The following ZBTB38 variants were observed in gnomAD, a reference collection of about 807,000 sequenced individuals.
The protein encoded by ZBTB38 is zinc finger and BTB domain-containing protein 38.
A neutral mutation model predicts 76.8 loss-of-function variants in ZBTB38; 20 were observed. The observed-to-expected ratio is 0.26, with a 90% CI of 0.18 to 0.38. ZBTB38 has a LOEUF of 0.38. ZBTB38 is among the 10% of genes least tolerant of loss of function. The pLI, the probability that ZBTB38 is intolerant of heterozygous loss-of-function variation, is 1.00. For synonymous variants in ZBTB38, 504 were observed against 544.2 expected (o/e 0.93, Z 1.03); for missense variants, 1,082 against 1,482.3 (o/e 0.73, Z 4.43).
rs145434112 is a variant in ZBTB38 at position 141,339,095 on chromosome 3, A to G, written c.-739+14639A>G. Among the ~76,000 whole-genome samples the G allele has an allele frequency of 1.5e-4, 23 of 152,280 alleles. No individual in the cohort carries two copies. The East Asian group carries it at 4.1e-3, about 27-fold the overall frequency. On this transcript the variant is annotated intron_variant, in intron 1 of 7. Transcript: ENST00000509842. ...CCTGAATGAAGCAAGAGAGTGGGCCATGCCAAATCTCAAGTGAACCAGTGT... is the reference window on the plus strand; with the variant it reads ...CCTGAATGAAGCAAGAGAGTGGGCCGTGCCAAATCTCAAGTGAACCAGTGT...
intron 5 of ZBTB38, among the ~76,000 whole-genome samples, chr3:141,425,351 AAAAATC>A (rs2076195214): frequency 1.3e-5 from 2 of 152,270 alleles, no homozygotes; most frequent in African/African-American, 4.8e-5. Context: ...GGGAGTGGAT[AAAAATC>A]AAAATCAAAA....
rs2081246933 is a variant in ZBTB38, at chr3:141,448,330, T to A, written c.*2354T>A. 6.6e-6 allele frequency: 1 copy of A among 152,636 alleles called. No homozygotes were observed. The highest frequency in any genetic ancestry group is 1.5e-5 in the Non-Finnish European group (1 of 68,018). The allele number at this position is 152,636 out of a possible 1,614,324, so 9.5% of individuals were successfully genotyped here. A position where few individuals can be genotyped will look rare whatever the true frequency, so the allele number is the denominator to read the frequency against. ...GTATTCATTTAAAATGTTGATAGCT[T>A]GTGTTAGTTTCAGGGAGGGGTGTAT... On this transcript the variant is annotated 3_prime_UTR_variant, in exon 6 of 6. Transcript: ENST00000321464.
chr3:141,404,098 A>G (rs1953389506), intron 5 of ZBTB38, 67 bp downstream of exon 5: 1 of 152,144 alleles, frequency 6.6e-6, no homozygotes, highest in Non-Finnish European at 1.5e-5. Context: ...GGGACTCCCA[A>G]AGGGTATATG....
intron 2 of ZBTB38, among the ~76,000 whole-genome samples, chr3:141,375,737 T>C (rs1945274718): frequency 6.6e-6 from 1 of 151,932 alleles, no homozygotes; most frequent in East Asian, 1.9e-4. Context: ...CAGGGATGAG[T>C]TGAAAGGAAG....
At chr3:141,375,113 G>T (rs1205588156) in intron 2 of ZBTB38, among the ~76,000 whole-genome samples, 1 of 152,184 alleles carries the variant, frequency 6.6e-6, no homozygotes, top group Non-Finnish European at 1.5e-5. Flanking sequence ...GAAACTCTGA[G>T]CTAGTATGTC....
At chr3:141,341,370 T>C (rs1267542710) in intron 1 of ZBTB38, among the ~76,000 whole-genome samples, 3 of 152,202 alleles carry the variant, frequency 2.0e-5, no homozygotes, top group African/African-American at 7.2e-5. Context: ...CATGACTGTA[T>C]ACAAATGCTG....
rs2150987507 is a variant in ZBTB38 at position 141,443,969 on chromosome 3, C to G, written c.1581C>G (p.Thr527=). 1.2e-6 allele frequency: 2 copies of G among 1,614,016 alleles called. No individual in the cohort carries two copies. Among genetic ancestry groups the G allele is most frequent in the Non-Finnish European group, 1.7e-6 (2 of 1,179,990 alleles). The change falls in exon 6 of 6, where the codon ACC becomes ACG. Residue 527 remains threonine, a synonymous_variant. Coordinates refer to ENST00000321464, the MANE Select transcript of ZBTB38 (RefSeq NM_001376113.1). The surrounding 1 kb of genome is among the most constrained non-coding windows in gnomAD (Gnocchi z 5.6). ...TTTTCTGTCTTGAAACTTTCATGAC[C>G]TACTATATACTCAAAAATCATCAGA... ...QCIFCLETFM[T]YYILKNHQKS... is the part of the protein sequence containing the mutation.
chr3:141,335,510 C>G (rs1248560428), intron 1 of ZBTB38, among the ~76,000 whole-genome samples: 2 of 152,218 alleles, frequency 1.3e-5, no homozygotes, highest in Admixed American at 6.5e-5. Context: ...TAACTTTTCC[C>G]AGCCCTGGAG....
At position 141,443,579 on chromosome 3, in the gene ZBTB38, C is replaced by G; in HGVS notation, c.1191C>G (p.Ser397Arg). The G allele has an allele frequency of 6.2e-7, 1 of 1,614,192 alleles. No homozygotes were observed. Among genetic ancestry groups the G allele is most frequent in the South Asian group, 1.1e-5 (1 of 91,082 alleles). The change falls in exon 6 of 6, where the codon AGC becomes AGG. Residue 397 changes from serine (S) to arginine (R), a missense_variant. Ser to Arg is a moderately radical substitution (Grantham distance 110, BLOSUM62 -1). Transcript: ENST00000321464. The surrounding 1 kb of genome is among the most constrained non-coding windows in gnomAD (Gnocchi z 5.6). ...ATGAACAGATCTGCATGAGGTCAAG[C>G]CACATGCCCATTCCTGGAGGAAACC... ...DRHEQICMRS[S>R]HMPIPGGNQR...
Position 141,337,685 on chromosome 3 carries a change from G to A in ZBTB38, c.-739+13229G>A, listed in dbSNP as rs1334293984. On this transcript the variant is annotated intron_variant, in intron 1 of 7. Coordinates refer to the ZBTB38 transcript ENST00000509842. Reference sequence around the variant, plus strand: ...GATCCCCTTTGTCCTTCAACCAAGTGTGTAAAGGAGGATGTTTACTTTTAT... The same window carrying A: ...GATCCCCTTTGTCCTTCAACCAAGTATGTAAAGGAGGATGTTTACTTTTAT... Among the ~76,000 whole-genome samples the A allele has an allele frequency of 4.6e-5, 7 of 152,296 alleles. No homozygotes were observed. The Middle Eastern group carries it at 0.01, about 222-fold the overall frequency.
intron 5 of ZBTB38, among the ~76,000 whole-genome samples, chr3:141,431,341 A>AAAAAAAAAAATATATATATATATAT: frequency 1.9e-5 from 2 of 103,286 alleles, no homozygotes; most frequent in Admixed American, 1.9e-4. Context: ...AAAAAAAAAA[A>AAAAAAAAAAATATATATATATATAT]ATATATATAT....
Position 141,448,770 on chromosome 3 carries a change from G to A in ZBTB38, c.*2794G>A, listed in dbSNP as rs1032414899. The A allele has an allele frequency of 1.3e-5, 2 of 152,146 alleles. No homozygotes were observed. Among genetic ancestry groups the A allele is most frequent in the Non-Finnish European group, 2.9e-5 (2 of 68,036 alleles). The allele number at this position is 152,146 out of a possible 1,614,324, so 9.4% of individuals were successfully genotyped here. On this transcript the variant is annotated 3_prime_UTR_variant, in exon 6 of 6. Transcript: ENST00000321464. Reference sequence around the variant, plus strand: ...AGCTATTTCATCTGTGTGAGTCACAGCTTTGTTTCCACGTATTATTCAGTT... The same window carrying A: ...AGCTATTTCATCTGTGTGAGTCACAACTTTGTTTCCACGTATTATTCAGTT...
At chr3:141,423,634 A>G (rs1386648137) in intron 5 of ZBTB38, among the ~76,000 whole-genome samples, 1 of 152,226 alleles carries the variant, frequency 6.6e-6, no homozygotes, top group African/African-American at 2.4e-5. Flanking sequence ...AAAGCTTGGA[A>G]CTATCAACTA....
rs1330087027 is a variant in ZBTB38 at position 141,444,741 on chromosome 3, A to G, written c.2353A>G (p.Arg785Gly). Residue 785 changes from arginine (R) to glycine (G), a missense_variant, in exon 6 of 6, where the codon AGG (arginine) becomes GGG (glycine). Around this residue, in one of 8 missense-constraint regions of ZBTB38, gnomAD observed 471 missense variants for 581.0 expected, o/e 0.81. Transcript: ENST00000321464. This position sits in a 1 kb window ranked among gnomAD's most constrained non-coding sequence, Gnocchi z 5.1. The part of the protein sequence containing the change: ...KEKKKTTSHT[R>G]GEIPEESNYV... Reference sequence around the variant, plus strand: ...GAAAAAGAAAACTACATCACATACCAGGGGAGAAATACCGGAGGAGTCAAA... The same window carrying G: ...GAAAAAGAAAACTACATCACATACCGGGGGAGAAATACCGGAGGAGTCAAA... The G allele has an allele frequency of 1.2e-6, 2 of 1,614,028 alleles. No individual in the cohort carries two copies. Among genetic ancestry groups the G allele is most frequent in the Non-Finnish European group, 1.7e-6 (2 of 1,180,036 alleles).
At chr3:141,346,782 T>TTGTGTG (rs56345431) in intron 1 of ZBTB38, among the ~76,000 whole-genome samples, 11,120 of 144,590 alleles carry the variant, frequency 0.077, 754 homozygotes, top group African/African-American at 0.18. Context: ...TTGTTTTGTT[T>TTGTGTG]TGTGTGTGTG....
chr3:141,369,402 G>A (rs1011313880), intron 1 of ZBTB38, among the ~76,000 whole-genome samples: 3 of 152,104 alleles, frequency 2.0e-5, no homozygotes, highest in African/African-American at 7.2e-5. Flanking sequence ...TTGTGCCATC[G>A]TATCTGGGAT....
At chr3:141,340,753 CG>C (rs1943148585) in intron 1 of ZBTB38, among the ~76,000 whole-genome samples, 1 of 151,346 alleles carries the variant, frequency 6.6e-6, no homozygotes, top group Non-Finnish European at 1.5e-5. Flanking sequence ...AAAAATTAGC[CG>C]GGTGTGGTGG....
chr3:141,382,923 C>T (rs1946404619), intron 3 of ZBTB38, among the ~76,000 whole-genome samples: 1 of 152,172 alleles, frequency 6.6e-6, no homozygotes, highest in Admixed American at 6.5e-5. Flanking sequence ...CCTCTTAGGA[C>T]TGGTGGAAAG....
intron 1 of ZBTB38, among the ~76,000 whole-genome samples, chr3:141,360,221 G>T (rs1176079886): frequency 6.6e-6 from 1 of 152,180 alleles, no homozygotes; most frequent in African/African-American, 2.4e-5. Context: ...TCTAATGTCT[G>T]TCATAGACCA....
Sources: allele counts gnomAD v4.1 joint callset (sites outside exome capture counted in the v4.1 genomes callset), GRCh38; gene constraint gnomAD v4.1.1; regional missense constraint gnomAD v4.1.1; non-coding constraint Gnocchi (gnomAD v3.1); transcripts MANE v1.5; gene names NCBI Gene and HGNC (gene_info 2026-07-23, HGNC 2026-07-21).